Variants in SOX5 observed in about 807,000 individuals in gnomAD.
SOX5 encodes the protein transcription factor SOX-5.
Under a neutral mutation model 92.0 loss-of-function variants are expected in SOX5, and 9 were observed. The observed-to-expected ratio is 0.10, with a 90% CI of 0.06 to 0.17. SOX5 has a LOEUF of 0.17. Ranked by LOEUF, SOX5 falls within the 10% of genes least tolerant of loss-of-function variation. The probability of loss-of-function intolerance (pLI) is 1.00; values close to 1 mark genes in which losing one functional copy is unlikely to be tolerated. For missense variants in SOX5, 642 were observed against 944.5 expected, an observed-to-expected ratio of 0.68 and a Z score of 4.20; for synonymous variants, 344 against 336.3, an observed-to-expected ratio of 1.02 and a Z score of -0.25.
At chr12:24,120,454 G>A (rs1948493110) in intron 4 of SOX5, among the ~76,000 whole-genome samples, 1 of 152,188 alleles carries the variant, frequency 6.6e-6, no homozygotes, top group Non-Finnish European at 1.5e-5. Context: ...AATCCAGAGA[G>A]TAAAAGTGCT....
At chr12:24,525,698 C>T (rs1378602837) in intron 1 of SOX5, among the ~76,000 whole-genome samples, 1 of 151,866 alleles carries the variant, frequency 6.6e-6, no homozygotes, top group East Asian at 1.9e-4. Context: ...AGTGAAACCC[C>T]GTCTCTACTA....
At chr12:23,712,779 A>C (rs1160735920) in intron 6 of SOX5, among the ~76,000 whole-genome samples, 1 of 152,232 alleles carries the variant, frequency 6.6e-6, no homozygotes, top group Non-Finnish European at 1.5e-5. Context: ...AAATGAAATT[A>C]TATCTAAAAT....
chr12:24,552,903 A>T (rs1329389945), intron 1 of SOX5, among the ~76,000 whole-genome samples: 1 of 151,940 alleles, frequency 6.6e-6, no homozygotes, highest in Non-Finnish European at 1.5e-5. Context: ...ATGCTGGCGC[A>T]TGCCTGTGGT....
intron 2 of SOX5, among the ~76,000 whole-genome samples, chr12:23,850,487 C>G (rs1403502205): frequency 6.7e-6 from 1 of 149,080 alleles, no homozygotes; most frequent in Non-Finnish European, 1.5e-5. Context: ...AAAAAAATCA[C>G]CAGGAGAAGG....
intron 2 of SOX5, among the ~76,000 whole-genome samples, chr12:23,871,883 TAG>T (rs1568504884): frequency 2.0e-5 from 3 of 152,126 alleles, no homozygotes; most frequent in African/African-American, 7.2e-5. Flanking sequence ...TCTATAACAA[TAG>T]AGTTTCTCCC....
At chr12:23,770,247 T>A (rs1182393091) in intron 3 of SOX5, among the ~76,000 whole-genome samples, 1 of 152,006 alleles carries the variant, frequency 6.6e-6, no homozygotes, top group African/African-American at 2.4e-5. Context: ...TTGTTTCTAA[T>A]GATGTATAGT....
In SOX5 at chr12:24,270,281, GA is replaced by G. The variant is rs1943559128; in HGVS notation, c.-77+6934del. On this transcript the variant is annotated intron_variant, in intron 3 of 4. Transcript: ENST00000446891. ...TCACCATCTTAGCCAGGCTGGTCTT[GA>G]ACTCCTGAGCTCGTGATCCACCTGC... 6.6e-5 allele frequency among the ~76,000 whole-genome samples: 10 copies of G among 152,056 alleles called. No individual in the cohort carries two copies. In the South Asian group the frequency reaches 2.1e-3, roughly 32 times the overall value.
intron 2 of SOX5, among the ~76,000 whole-genome samples, chr12:24,296,713 C>G (rs1947287273): frequency 6.6e-6 from 1 of 151,826 alleles, no homozygotes; most frequent in African/African-American, 2.4e-5. Flanking sequence ...TGGAATCACT[C>G]TCCTACGCAG....
At chr12:23,910,944 T>G (rs1371658353) in intron 1 of SOX5, among the ~76,000 whole-genome samples, 1 of 152,162 alleles carries the variant, frequency 6.6e-6, no homozygotes, top group Non-Finnish European at 1.5e-5. Flanking sequence ...TTAGCTACAA[T>G]AGCAACAGCT....
At chr12:23,998,372 C>T (rs1196503653) in intron 4 of SOX5, among the ~76,000 whole-genome samples, 1 of 151,866 alleles carries the variant, frequency 6.6e-6, no homozygotes, top group African/African-American at 2.4e-5. Flanking sequence ...GAAGATAGAT[C>T]AATTGAATTT....
rs571524737 is a variant in SOX5, at chr12:24,502,858, T to A, written c.-251+59471A>T. The stretch of plus-strand genomic sequence containing the variant: ...GAAAAACACATCAATTTTACGGTAT[T>A]CTGGCCAAAAGTGCATATCCTCAAT... On this transcript the variant is annotated intron_variant, in intron 1 of 4. Coordinates refer to the SOX5 transcript ENST00000446891. Among the ~76,000 whole-genome samples, 3 of 152,318 alleles carry A rather than the reference T, an allele frequency of 2.0e-5. No homozygotes were observed. The East Asian group carries it at 5.8e-4, about 29-fold the overall frequency.
intron 1 of SOX5, among the ~76,000 whole-genome samples, chr12:24,448,521 T>A (rs1169036305): frequency 6.6e-6 from 1 of 152,188 alleles, no homozygotes; most frequent in African/African-American, 2.4e-5. Flanking sequence ...GAGACAAGTA[T>A]TTGAACTACA....
At chr12:23,598,288 C>A (rs1390765054) in intron 9 of SOX5, among the ~76,000 whole-genome samples, 1 of 150,306 alleles carries the variant, frequency 6.7e-6, no homozygotes, top group Admixed American at 6.6e-5. Flanking sequence ...TTGAGCAGTG[C>A]TTTTTGAACT....
At chr12:24,359,841 C>T (rs901834727) in intron 2 of SOX5, among the ~76,000 whole-genome samples, 20 of 152,140 alleles carry the variant, frequency 1.3e-4, no homozygotes, top group African/African-American at 4.3e-4. Context: ...AACAAAAAAG[C>T]TGTCTCTTTT....
chr12:23,552,580 C>G (rs750331113), intron 11 of SOX5, among the ~76,000 whole-genome samples: 1 of 151,736 alleles, frequency 6.6e-6, no homozygotes, highest in African/African-American at 2.4e-5. Context: ...AAAGAATAAA[C>G]AGCTGTTATT....
At chr12:24,150,795 G>A (rs1046904116) in intron 4 of SOX5, among the ~76,000 whole-genome samples, 12 of 152,126 alleles carry the variant, frequency 7.9e-5, no homozygotes, top group Non-Finnish European at 1.2e-4. Flanking sequence ...CTTGTTCCTG[G>A]ACATGGCAAA....
In SOX5 at chr12:24,060,561, T is replaced by G. The variant is rs16927127; in HGVS notation, c.-2+152782A>C. Among the ~76,000 whole-genome samples, 3 of 152,344 alleles carry G rather than the reference T, an allele frequency of 2.0e-5. No homozygotes were observed. In the South Asian group the frequency reaches 6.2e-4, roughly 32 times the overall value. On this transcript the variant is annotated intron_variant, in intron 4 of 4. Coordinates refer to the SOX5 transcript ENST00000446891. ...ATCAGTTGTTTTGTCCTGACTGGCATGTCTCCTGGTAAAAGACCCATCTTT... is the reference window on the plus strand; with the variant it reads ...ATCAGTTGTTTTGTCCTGACTGGCAGGTCTCCTGGTAAAAGACCCATCTTT...
chr12:24,174,591 G>A (rs891204939), intron 4 of SOX5, among the ~76,000 whole-genome samples: 5 of 152,164 alleles, frequency 3.3e-5, no homozygotes, highest in African/African-American at 1.2e-4. Context: ...GGAGGCTGAG[G>A]TGGGCAGATC....
At chr12:24,088,669 T>C (rs950779401) in intron 4 of SOX5, among the ~76,000 whole-genome samples, 1 of 151,822 alleles carries the variant, frequency 6.6e-6, no homozygotes. Flanking sequence ...CATTTCCGAG[T>C]ATTTGTTGTT....
Sources: allele counts gnomAD v4.1 joint callset (sites outside exome capture counted in the v4.1 genomes callset), GRCh38; gene constraint gnomAD v4.1.1; transcripts MANE v1.5; gene names NCBI Gene and HGNC (gene_info 2026-07-23, HGNC 2026-07-21).